HABP4: variants seen among roughly 807,000 people sequenced by gnomAD.
HABP4 encodes hyaluronan binding protein 4.
A neutral mutation model predicts 44.1 loss-of-function variants in HABP4; 32 were observed. The observed-to-expected ratio is 0.73, with a 90% CI of 0.55 to 0.97. The LOEUF is 0.97. Among genes scored for constraint, HABP4 ranks in the 50% least tolerant of loss-of-function variants. The probability of loss-of-function intolerance (pLI) is 0.00; values close to 1 mark genes in which losing one functional copy is unlikely to be tolerated. For synonymous variants in HABP4, 216 were observed against 218.0 expected (o/e 0.99, Z 0.08); for missense variants, 503 against 561.9 (o/e 0.90, Z 1.06).
intron 4 of HABP4, among the ~76,000 whole-genome samples, chr9:96,469,722 C>T (rs942191088): frequency 2.0e-5 from 3 of 152,118 alleles, no homozygotes; most frequent in African/African-American, 2.4e-5. Flanking sequence ...GGTGTTTCAC[C>T]ATGTTGGCCA....
rs111361736 is a variant in HABP4, at chr9:96,488,112, C to T, written c.1023C>T (p.Asp341=). ...AGATGGTAAAAGATGACTATGAGGA[C>T]GATTCCCATGTTTTCCGGAAACCCG... ...RDDMVKDDYE[D]DSHVFRKPAN... Residue 341 remains aspartate, a synonymous_variant, in exon 7 of 8, where the codon GAC becomes GAT. Transcript: ENST00000375249. The surrounding 1 kb of genome is among the most constrained non-coding windows in gnomAD (Gnocchi z 4.6). 251 of 1,612,652 alleles carry T rather than the reference C, an allele frequency of 1.6e-4. 1 individual carries two copies. The African/African-American group carries it at 2.7e-3, about 17-fold the overall frequency.
intron 6 of HABP4, among the ~76,000 whole-genome samples, chr9:96,486,298 G>C (rs1019172912): frequency 3.3e-5 from 5 of 152,186 alleles, no homozygotes; most frequent in African/African-American, 1.2e-4. Flanking sequence ...ACAAGAAATG[G>C]CTTTTTGTAG....
chr9:96,462,656 T>G (rs1193690601), intron 2 of HABP4, among the ~76,000 whole-genome samples: 1 of 151,094 alleles, frequency 6.6e-6, no homozygotes, highest in Non-Finnish European at 1.5e-5. Context: ...CTGGGCACAG[T>G]GGCTTATACC....
chr9:96,466,198 C>T (rs968051395), intron 4 of HABP4, among the ~76,000 whole-genome samples: 7 of 152,104 alleles, frequency 4.6e-5, no homozygotes, highest in South Asian at 4.2e-4. Flanking sequence ...GGTGAAACCC[C>T]GTTTCTACTA....
intron 5 of HABP4, among the ~76,000 whole-genome samples, chr9:96,477,873 T>TC (rs1251602544): frequency 2.0e-5 from 3 of 151,984 alleles, no homozygotes. Context: ...TTGCCCCATT[T>TC]CCCCCCGGCA....
At chr9:96,451,494 A>G (rs1264811505) in intron 1 of HABP4, 1 of 983,940 alleles carries the variant, frequency 1.0e-6, no homozygotes, top group African/African-American at 1.7e-5. Context: ...AGGTTTGCAG[A>G]GTGTTAGGAT....
chr9:96,471,127 T>C, intron 5 of HABP4, 33 bp downstream of exon 5: 1 of 1,096,008 alleles, frequency 9.1e-7, no homozygotes, highest in Non-Finnish European at 1.4e-6. Flanking sequence ...CATTGTGGTG[T>C]TGGTTCTCTT....
At chr9:96,479,587 G>A (rs1232599308) in intron 5 of HABP4, among the ~76,000 whole-genome samples, 1 of 151,514 alleles carries the variant, frequency 6.6e-6, no homozygotes, top group Non-Finnish European at 1.5e-5. Flanking sequence ...TCAGTTCACT[G>A]CAACCTCCGC....
At chr9:96,475,482 C>T (rs1011739297) in intron 5 of HABP4, among the ~76,000 whole-genome samples, 1 of 151,936 alleles carries the variant, frequency 6.6e-6, no homozygotes, top group Non-Finnish European at 1.5e-5. Flanking sequence ...TGTCTTAATT[C>T]ATTCAGTTCT....
intron 1 of HABP4, among the ~76,000 whole-genome samples, chr9:96,454,601 C>T (rs562870966): frequency 6.6e-6 from 1 of 152,270 alleles, no homozygotes; most frequent in East Asian, 1.9e-4. Flanking sequence ...AGACGCCCGC[C>T]ACCACGCCTG....
intron 5 of HABP4, among the ~76,000 whole-genome samples, chr9:96,481,692 G>A (rs1832882864): frequency 6.6e-6 from 1 of 151,992 alleles, no homozygotes; most frequent in Admixed American, 6.6e-5. Context: ...GGTATGGTGA[G>A]CCATCATCAT....
At position 96,450,307 on chromosome 9, in the gene HABP4, G is replaced by C; in HGVS notation, c.28G>C (p.Ala10Pro). The change falls in exon 1 of 8, where the codon GCT becomes CCT. Residue 10 changes from alanine to proline, a missense_variant. Physicochemically the swap from Ala to Pro is conservative, Grantham distance 27. This residue lies in a region of HABP4 where 290 missense variants were observed against 300.5 expected (regional missense o/e 0.97). Transcript: ENST00000375249. This position sits in a 1 kb window ranked among gnomAD's most constrained non-coding sequence, Gnocchi z 4.8. Reference sequence around the variant, plus strand: ...GAAGGGCGCTCTGGGGAGTCCCGTGGCTGCCGCTGGCGCCGCGATGCAGGA... The same window carrying C: ...GAAGGGCGCTCTGGGGAGTCCCGTGCCTGCCGCTGGCGCCGCGATGCAGGA... Reference protein sequence around the residue: MKGALGSPVAAAGAAMQESF... With the variant: MKGALGSPVPAAGAAMQESF... 2 of 1,466,816 alleles carry C rather than the reference G, an allele frequency of 1.4e-6. No homozygotes were observed. The highest frequency in any genetic ancestry group is 1.8e-6 in the Non-Finnish European group (2 of 1,100,580). The allele number at this position is 1,466,816 out of a possible 1,614,324, so 90.9% of individuals were successfully genotyped here.
At chr9:96,480,571 T>A (rs763255605) in intron 5 of HABP4, among the ~76,000 whole-genome samples, 13 of 152,230 alleles carry the variant, frequency 8.5e-5, no homozygotes, top group Non-Finnish European at 1.8e-4. Flanking sequence ...ATGCTACCAT[T>A]TATATCTTAT....
intron 6 of HABP4, among the ~76,000 whole-genome samples, chr9:96,485,055 C>CTT (rs869271101): frequency 7.6e-5 from 11 of 145,260 alleles, no homozygotes; most frequent in African/African-American, 2.5e-4. Context: ...TAGTTGATGA[C>CTT]TTTTTTTTTT....
intron 1 of HABP4, among the ~76,000 whole-genome samples, chr9:96,452,096 G>A (rs1359808322): frequency 6.6e-6 from 1 of 151,818 alleles, no homozygotes; most frequent in African/African-American, 2.4e-5. Context: ...GCGTGGTGGC[G>A]GGCACCTGTA....
At chr9:96,456,961 T>C (rs1832405453) in intron 1 of HABP4, among the ~76,000 whole-genome samples, 1 of 151,444 alleles carries the variant, frequency 6.6e-6, no homozygotes, top group African/African-American at 2.4e-5. Flanking sequence ...AGATAGACTT[T>C]TTTTGAAGAT....
chr9:96,485,431 C>T (rs1331159367), intron 6 of HABP4, among the ~76,000 whole-genome samples: 3 of 152,212 alleles, frequency 2.0e-5, no homozygotes, highest in South Asian at 2.1e-4. Flanking sequence ...AGCAGCTTTG[C>T]GCCCCCTGCC....
rs1288138322 is a variant in HABP4, at chr9:96,469,617, G to T, written c.744-1394G>T. ...GGCTCACTGCAACCTCCGCCTCCCG[G>T]GTTCAAGTGATTCTCCTGCCTCAGC... On this transcript the variant is annotated intron_variant, in intron 4 of 7. Coordinates refer to ENST00000375249, the MANE Select transcript of HABP4 (RefSeq NM_014282.4). Among the ~76,000 whole-genome samples the T allele has an allele frequency of 2.6e-5, 4 of 151,980 alleles. No homozygotes were observed. The East Asian group carries it at 7.7e-4, about 29-fold the overall frequency.
intron 2 of HABP4, among the ~76,000 whole-genome samples, chr9:96,459,481 A>G (rs1832462243): frequency 6.6e-6 from 1 of 152,134 alleles, no homozygotes; most frequent in Non-Finnish European, 1.5e-5. Context: ...GTTGTGTCTT[A>G]TGTTTGGCAC....
Sources: allele counts gnomAD v4.1 joint callset (sites outside exome capture counted in the v4.1 genomes callset), GRCh38; gene constraint gnomAD v4.1.1; regional missense constraint gnomAD v4.1.1; non-coding constraint Gnocchi (gnomAD v3.1); transcripts MANE v1.5; gene names NCBI Gene and HGNC (gene_info 2026-07-23, HGNC 2026-07-21).